Variants in PLAC1 observed in about 807,000 individuals in gnomAD.
PLAC1 encodes placenta-specific protein 1.
For missense variants in PLAC1, 136 were observed against 163.2 expected, an observed-to-expected ratio of 0.83 and a Z score of 0.91; for synonymous variants, 68 against 62.1, an observed-to-expected ratio of 1.09 and a Z score of -0.44.
intron 2 of PLAC1, among the ~76,000 whole-genome samples, chrX:134,701,698 AG>A (rs1287094924): frequency 8.9e-6 from 1 of 112,432 alleles, no homozygotes; most frequent in Non-Finnish European, 1.9e-5. Context: ...ACTCCACGTC[AG>A]TAATCACTGG....
At chrX:134,572,331 T>C (rs1429881535) in intron 2 of PLAC1, among the ~76,000 whole-genome samples, 6 of 111,946 alleles carry the variant, frequency 5.4e-5, no homozygotes, top group Non-Finnish European at 3.8e-5. Context: ...GGTTCACTGC[T>C]CTCAAAGAAA....
chrX:134,684,000 G>C (rs1421879132), intron 2 of PLAC1, among the ~76,000 whole-genome samples: 1 of 112,048 alleles, frequency 8.9e-6, no homozygotes, highest in African/African-American at 3.2e-5. Context: ...GGAACGCCCA[G>C]TCAGAAAGAG....
chrX:134,566,603 G>A lies in PLAC1; in HGVS notation c.80C>T (p.Thr27Ile), dbSNP rs972225206. 1.2e-5 allele frequency: 14 copies of A among 1,208,309 alleles called. No individual in the cohort carries two copies. Among genetic ancestry groups the A allele is most frequent in the Non-Finnish European group, 1.6e-5 (14 of 893,648 alleles). ...GAACCAGTCTATGGAGCACAGCACA[G>A]TCATTGGACTTTGTCCTGAACCGGC... ...FSAGSGQSPM[T>I]VLCSIDWFMV... Residue 27 changes from threonine (T) to isoleucine (I), a missense_variant, in exon 3 of 3, where the codon ACT (threonine) becomes ATT (isoleucine). Coordinates refer to ENST00000359237, the MANE Select transcript of PLAC1 (RefSeq NM_021796.4).
intron 2 of PLAC1, among the ~76,000 whole-genome samples, chrX:134,704,809 G>A (rs2078596835): frequency 9.7e-6 from 1 of 102,930 alleles, no homozygotes; most frequent in Non-Finnish European, 2.0e-5. Flanking sequence ...TGACCAACAT[G>A]GTGAAACCCC....
At chrX:134,610,698 G>A (rs549243260) in intron 1 of PLAC1, among the ~76,000 whole-genome samples, 66 of 112,064 alleles carry the variant, frequency 5.9e-4, no homozygotes, top group African/African-American at 2.0e-3. Context: ...CAGCAAGTAG[G>A]AGAGTGACAA....
intron 2 of PLAC1, among the ~76,000 whole-genome samples, chrX:134,594,402 C>T (rs1360366690): frequency 9.0e-6 from 1 of 111,674 alleles, no homozygotes; most frequent in Non-Finnish European, 1.9e-5. Flanking sequence ...GTAATATGAG[C>T]TTAATAAAAT....
chrX:134,715,529 G>T (rs755349923), intron 2 of PLAC1, among the ~76,000 whole-genome samples: 4 of 108,135 alleles, frequency 3.7e-5, no homozygotes, highest in Non-Finnish European at 5.7e-5. Context: ...GAGCATTACT[G>T]AGATGCTGGG....
chrX:134,745,116 C>T (rs943097813), intron 1 of PLAC1, among the ~76,000 whole-genome samples: 2 of 111,659 alleles, frequency 1.8e-5, no homozygotes, highest in Non-Finnish European at 3.8e-5. Context: ...TCCTTTTCCC[C>T]ACTCTTCTTT....
At chrX:134,754,572 A>G (rs1201074790) in intron 1 of PLAC1, among the ~76,000 whole-genome samples, 2 of 111,012 alleles carry the variant, frequency 1.8e-5, no homozygotes, top group Admixed American at 1.9e-4. Context: ...AAAAGTCAAC[A>G]TAGATGGAAG....
At chrX:134,706,304 G>C (rs1220209155) in intron 2 of PLAC1, among the ~76,000 whole-genome samples, 1 of 112,422 alleles carries the variant, frequency 8.9e-6, no homozygotes, top group Non-Finnish European at 1.9e-5. Context: ...TGTGGTGTTG[G>C]AGAGGGCCAA....
At chrX:134,706,969 G>A (rs1299206104) in intron 2 of PLAC1, among the ~76,000 whole-genome samples, 1 of 112,053 alleles carries the variant, frequency 8.9e-6, no homozygotes, top group Non-Finnish European at 1.9e-5. Context: ...AGTCACAGAA[G>A]GAGAGGGAAT....
intron 1 of PLAC1, among the ~76,000 whole-genome samples, chrX:134,648,276 C>T (rs1455473643): frequency 9.0e-6 from 1 of 111,128 alleles, no homozygotes; most frequent in East Asian, 2.8e-4. Context: ...GAATAGGATG[C>T]CTGAGTGACA....
chrX:134,650,892 G>T, intron 1 of PLAC1: 2 of 158,350 alleles, frequency 1.3e-5, no homozygotes, highest in East Asian at 1.8e-4. Context: ...GTTCAAGTTC[G>T]GCATCTCCCA....
chrX:134,732,456 G>A (rs1001695694), intron 2 of PLAC1, among the ~76,000 whole-genome samples: 1 of 111,753 alleles, frequency 8.9e-6, no homozygotes, highest in Non-Finnish European at 1.9e-5. Context: ...CATTTGGTCT[G>A]TATGTGGGCT....
rs1265919047 is a variant in PLAC1, at chrX:134,753,740, T to A, written n.89+10494A>T. Among the ~76,000 whole-genome samples, 3 of 111,637 alleles carry A rather than the reference T, an allele frequency of 2.7e-5. No individual in the cohort carries two copies. The East Asian group carries it at 8.5e-4, about 31-fold the overall frequency. On this transcript the variant is annotated intron_variant and non_coding_transcript_variant, in intron 1 of 2. Transcript: ENST00000466797. Reference sequence around the variant, plus strand: ...CATCCAAACTAAACTGTTATTTGTTTAATAAGCAACTGGTTCACAACTGGA... The same window carrying A: ...CATCCAAACTAAACTGTTATTTGTTAAATAAGCAACTGGTTCACAACTGGA...
chrX:134,613,824 C>G (rs779085908), intron 1 of PLAC1, among the ~76,000 whole-genome samples: 2 of 110,814 alleles, frequency 1.8e-5, no homozygotes, highest in African/African-American at 6.6e-5. Context: ...CAGCTGGACT[C>G]TCCCAACTCC....
Position 134,750,927 on chromosome X carries a change from T to A in PLAC1, n.89+13307A>T, listed in dbSNP as rs867953287. Among the ~76,000 whole-genome samples, 146 of 22,947 alleles carry A rather than the reference T, an allele frequency of 6.4e-3. 9 individuals are homozygous for A. The highest frequency in any genetic ancestry group is 0.013 in the South Asian group (4 of 306). The allele number at this position is 22,947 out of a possible 115,157, so 19.9% of individuals were successfully genotyped here. On this transcript the variant is annotated intron_variant and non_coding_transcript_variant, in intron 1 of 2. Transcript: ENST00000466797. ...TATATATATTTATATATATATATTTTTATATATATATATTTATAAATATAT... is the reference window on the plus strand; with the variant it reads ...TATATATATTTATATATATATATTTATATATATATATATTTATAAATATAT...
intron 1 of PLAC1, among the ~76,000 whole-genome samples, chrX:134,627,043 T>TA (rs1309476773): frequency 1.0e-3 from 108 of 103,431 alleles, no homozygotes; most frequent in East Asian, 7.5e-3. Flanking sequence ...CCCTTTCCCT[T>TA]AAAAAAAAAA....
At chrX:134,666,691 G>A (rs189522905) in intron 2 of PLAC1, among the ~76,000 whole-genome samples, 184 of 112,109 alleles carry the variant, frequency 1.6e-3, no homozygotes, top group African/African-American at 5.9e-3. Flanking sequence ...CTCCTTCCAG[G>A]TTGAGTCATT....
Sources: gnomAD v4.1 joint callset for allele counts (sites outside exome capture counted in the v4.1 genomes callset) on GRCh38, gnomAD v4.1.1 for gene constraint, MANE v1.5 for transcripts, NCBI Gene and HGNC (gene_info 2026-07-23, HGNC 2026-07-21) for gene names.